The following RPGR variants were observed in gnomAD, a reference collection of about 807,000 sequenced individuals.
RPGR encodes the protein retinitis pigmentosa GTPase regulator, also known as X-linked retinitis pigmentosa GTPase regulator.
Under a neutral mutation model 56.3 loss-of-function variants are expected in RPGR, and 10 were observed. The observed-to-expected ratio is 0.18, with a 90% CI of 0.11 to 0.30. RPGR has a LOEUF of 0.30. RPGR is among the 10% of genes least tolerant of loss of function. The pLI, the probability that RPGR is intolerant of heterozygous loss-of-function variation, is 1.00. For missense variants in RPGR, 538 were observed against 590.9 expected (o/e 0.91, Z 0.93); for synonymous variants, 197 against 212.9 (o/e 0.93, Z 0.65).
In RPGR at chrX:38,312,978, T is replaced by G. The variant is rs781019520; in HGVS notation, c.620-2205A>C. Reference sequence around the variant, plus strand: ...TGCACCTACCAAATTTAGCATATCATTTCAGGGGTTTACATTCCTTTAGGA... The same window carrying G: ...TGCACCTACCAAATTTAGCATATCAGTTCAGGGGTTTACATTCCTTTAGGA... On this transcript the variant is annotated intron_variant, in intron 6 of 18. Transcript: ENST00000642395. Among the ~76,000 whole-genome samples, 4 of 110,851 alleles carry G rather than the reference T, an allele frequency of 3.6e-5. No individual in the cohort carries two copies. The South Asian group carries it at 1.5e-3, about 42-fold the overall frequency.
intron 11 of RPGR, among the ~76,000 whole-genome samples, chrX:38,292,430 G>T (rs1479976749): frequency 8.9e-6 from 1 of 111,810 alleles, no homozygotes; most frequent in African/African-American, 3.2e-5. Flanking sequence ...ATTTTTCTCA[G>T]TTTCTCACTA....
At chrX:38,278,707 G>T (rs193053284) in intron 15 of RPGR, among the ~76,000 whole-genome samples, 12 of 112,277 alleles carry the variant, frequency 1.1e-4, no homozygotes, top group Admixed American at 1.9e-4. Context: ...ATAAATGAAA[G>T]GTTAACTAAA....
rs1178518369 is a variant in RPGR at position 38,323,472 on chromosome X, G to A, written c.81C>T (p.Pro27=). Residue 27 remains proline, a synonymous_variant, in exon 2 of 19, where the codon CCC becomes CCT. Transcript: ENST00000642395. Reference sequence around the variant, plus strand: ...CATCATTTTTAAACCAGAATTTACCGGGATTATTTTCAGCAAATTTACTTT... The same window carrying A: ...CATCATTTTTAAACCAGAATTTACCAGGATTATTTTCAGCAAATTTACTTT... The A allele has an allele frequency of 6.6e-6, 8 of 1,206,129 alleles. No homozygotes were observed. In the South Asian group the frequency reaches 7.1e-5, roughly 11 times the overall value.
rs73471876 is a variant in RPGR, at chrX:38,294,288, C to T, written c.1415-2804G>A. ...TTTGCTGGCTCTTCCTTCTCTACCC[C>T]TCAAATGTTAGATGTTCTTAGGGAT... On this transcript the variant is annotated intron_variant, in intron 11 of 18. Coordinates refer to ENST00000642395, the MANE Select transcript of RPGR (RefSeq NM_000328.3). Among the ~76,000 whole-genome samples, 286 of 111,733 alleles carry T rather than the reference C, an allele frequency of 2.6e-3. 1 individual carries two copies. The highest frequency in any genetic ancestry group is 8.3e-3 in the African/African-American group (256 of 30,758).
intron 6 of RPGR, among the ~76,000 whole-genome samples, chrX:38,315,189 G>A (rs1026806653): frequency 1.8e-5 from 2 of 111,181 alleles, no homozygotes; most frequent in South Asian, 3.8e-4. Flanking sequence ...AAAAATAGCT[G>A]GGCATGATGG....
intron 6 of RPGR, among the ~76,000 whole-genome samples, chrX:38,315,205 G>A (rs999668229): frequency 3.6e-5 from 4 of 111,082 alleles, no homozygotes; most frequent in Admixed American, 9.6e-5. Flanking sequence ...GATGGTGGGC[G>A]CCTGTAATTC....
chrX:38,320,691 C>T (rs1199269794), intron 4 of RPGR, among the ~76,000 whole-genome samples: 2 of 112,259 alleles, frequency 1.8e-5, no homozygotes, highest in South Asian at 3.7e-4. Context: ...GGGAATTATG[C>T]TCACTCACAT....
chrX:38,285,063 C>T, intron 15 of RPGR: 1 of 725,684 alleles, frequency 1.4e-6, no homozygotes, highest in Non-Finnish European at 1.6e-6. Context: ...AGAATACCAT[C>T]CATTATTAGA....
chrX:38,276,490 C>A, intron 16 of RPGR: 1 of 844,808 alleles, frequency 1.2e-6, no homozygotes, highest in Non-Finnish European at 1.7e-6. Context: ...GGGAGTATTT[C>A]TGATCCCAAA....
Position 38,317,344 on chromosome X carries a change from A to G in RPGR, c.591T>C (p.Cys197=). ...TTACAAAAGCTGAATGGTAATATCC[A>G]CAAGAGATCCAGGAGACAGGTTTCC... Residue 197 remains cysteine (C), a synonymous_variant, in exon 6 of 19, where the codon TGT becomes TGC. Transcript: ENST00000642395. 8.3e-7 allele frequency: 1 copy of G among 1,210,861 alleles called. No individual in the cohort carries two copies. Among genetic ancestry groups the G allele is most frequent in the Non-Finnish European group, 1.1e-6 (1 of 894,653 alleles).
chrX:38,324,049 T>C (rs1202265404), intron 1 of RPGR, among the ~76,000 whole-genome samples: 3 of 112,085 alleles, frequency 2.7e-5, no homozygotes, highest in African/African-American at 9.7e-5. Flanking sequence ...TCCAGTGTTC[T>C]CATGTAAGGG....
rs6651585 is a variant in RPGR at position 38,323,539 on chromosome X, C to T, written c.29-15G>A. ...AGCACCCGAATCTGCAAATATAAGA[C>T]GGTCTTTATTTTATAACTTTTACTA... is the stretch of plus-strand genomic sequence containing the variant. On this transcript the variant is annotated splice_polypyrimidine_tract_variant and intron_variant, in intron 1 of 18. Transcript: ENST00000642395. 181,073 of 1,202,845 alleles carry T rather than the reference C, an allele frequency of 0.15. 14,961 individuals carry two copies. Among genetic ancestry groups the T allele is most frequent in the East Asian group, 0.64 (21,372 of 33,523 alleles).
intron 17 of RPGR, chrX:38,274,092 T>C (rs2066887551): frequency 8.9e-6 from 1 of 112,430 alleles, no homozygotes; most frequent in Non-Finnish European, 1.9e-5. Flanking sequence ...CAGCTTAAGT[T>C]TAGATCAGAT....
In RPGR at chrX:38,323,492, T is replaced by G; in HGVS notation, c.61A>C (p.Lys21Gln). The change falls in exon 2 of 19, where the codon AAA becomes CAA. Residue 21 changes from lysine (K) to glutamine (Q), a missense_variant. This residue lies in a region of RPGR where 181 missense variants were observed against 265.1 expected (regional missense o/e 0.68). Transcript: ENST00000642395. ...TTACCGGGATTATTTTCAGCAAATT[T>G]ACTTTTCCCAAATGTAAACACAGCA... The G allele has an allele frequency of 8.3e-7, 1 of 1,209,691 alleles. No individual in the cohort carries two copies. The highest frequency in any genetic ancestry group is 1.1e-6 in the Non-Finnish European group (1 of 894,201).
chrX:38,274,384 C>G (rs146639419), intron 17 of RPGR, among the ~76,000 whole-genome samples: 1,311 of 111,939 alleles, frequency 0.012, 13 homozygotes, highest in African/African-American at 0.039. Context: ...TTTAGGCCAG[C>G]CCAGTAGTCC....
chrX:38,282,618 T>C (rs915336403), intron 15 of RPGR, among the ~76,000 whole-genome samples: 12 of 112,045 alleles, frequency 1.1e-4, no homozygotes, highest in African/African-American at 3.9e-4. Flanking sequence ...TGCTGAATAG[T>C]ACTCTTTCTA....
At chrX:38,275,052 T>A (rs372763714) in intron 17 of RPGR, 60 of 1,043,090 alleles carry the variant, frequency 5.8e-5, no homozygotes, top group Admixed American at 5.5e-4. Flanking sequence ...TGTGTATGTA[T>A]GTATGTATAT....
In RPGR at chrX:38,285,955, TCCTCCCCTTCTC is replaced by T. The variant is rs776003342; in HGVS notation, c.1905+1127_1905+1138del. 2.3e-5 allele frequency: 24 copies of T among 1,032,938 alleles called. No homozygotes were observed. The highest frequency in any genetic ancestry group is 1.0e-4 in the South Asian group (5 of 48,067). The allele number at this position is 1,032,938 out of a possible 1,213,427, so 85.1% of individuals were successfully genotyped here. ...CCCTTCCACTTCCCCTTCCTCTTCT[TCCTCCCCTTCTC>T]CCTCCCCTTCTTCCTCTCCCTCTCC... On this transcript the variant is annotated intron_variant, in intron 15 of 18. Transcript: ENST00000642395.
chrX:38,300,288 C>T, intron 9 of RPGR, among the ~76,000 whole-genome samples: 1 of 111,254 alleles, frequency 9.0e-6, no homozygotes, highest in Non-Finnish European at 1.9e-5. Context: ...ACTATCTTAC[C>T]CATAGTAGGC....
Sources: gnomAD v4.1 joint callset for allele counts (sites outside exome capture counted in the v4.1 genomes callset) on GRCh38, gnomAD v4.1.1 for gene constraint, gnomAD v4.1.1 regional missense constraint, MANE v1.5 for transcripts, NCBI Gene and HGNC (gene_info 2026-07-23, HGNC 2026-07-21) for gene names.